Variants in SH3GL2 observed in about 807,000 individuals in gnomAD.
SH3GL2 encodes the protein SH3 domain containing GRB2 like 2, endophilin A1.
SH3GL2 carries 24 observed loss-of-function variants against 46.0 expected under a neutral mutation model. The observed-to-expected ratio is 0.52, with a 90% CI of 0.38 to 0.73. The LOEUF is 0.73. Ranked by LOEUF, SH3GL2 falls within the 30% of genes least tolerant of loss-of-function variation. SH3GL2 has a pLI of 0.00. For missense variants in SH3GL2, 413 were observed against 424.2 expected (o/e 0.97, Z 0.23); for synonymous variants, 196 against 147.1 (o/e 1.33, Z -2.40).
chr9:17,682,590 G>C (rs1820800759), intron 1 of SH3GL2, among the ~76,000 whole-genome samples: 5 of 151,612 alleles, frequency 3.3e-5, no homozygotes, highest in Admixed American at 2.6e-4. Context: ...TTAGAGGATG[G>C]GTCAATAGGT....
chr9:17,747,020 A>T, intron 1 of SH3GL2, 46 bp from the exon 2 acceptor site: 1 of 1,298,102 alleles, frequency 7.7e-7, no homozygotes, highest in Non-Finnish European at 1.1e-6. Flanking sequence ...CACATTTTTT[A>T]AAGAAACTGT....
At chr9:17,721,123 T>C (rs1395720515) in intron 1 of SH3GL2, among the ~76,000 whole-genome samples, 1 of 152,074 alleles carries the variant, frequency 6.6e-6, no homozygotes, top group Non-Finnish European at 1.5e-5. Flanking sequence ...TGTGGCCCTC[T>C]AGATTGGCAG....
At chr9:17,795,370 C>T (rs1461105615) in intron 8 of SH3GL2, among the ~76,000 whole-genome samples, 174 bp from the exon 9 acceptor site, 1 of 152,114 alleles carries the variant, frequency 6.6e-6, no homozygotes, top group Non-Finnish European at 1.5e-5. Flanking sequence ...GGCAAGATGC[C>T]CAGTGCAGTG....
At chr9:17,617,610 A>G (rs946000925) in intron 1 of SH3GL2, among the ~76,000 whole-genome samples, 2 of 152,238 alleles carry the variant, frequency 1.3e-5, no homozygotes, top group African/African-American at 4.8e-5. Flanking sequence ...ATGCCTGTTA[A>G]CATCTTTCGA....
intron 1 of SH3GL2, among the ~76,000 whole-genome samples, chr9:17,709,542 G>A (rs950909897): frequency 3.3e-5 from 5 of 151,852 alleles, no homozygotes; most frequent in Non-Finnish European, 7.4e-5. Flanking sequence ...GCCTAGTAGA[G>A]CATCCTAAAG....
At chr9:17,627,012 G>A (rs978595988) in intron 1 of SH3GL2, among the ~76,000 whole-genome samples, 1 of 152,112 alleles carries the variant, frequency 6.6e-6, no homozygotes, top group African/African-American at 2.4e-5. Flanking sequence ...CCCTGGTCGT[G>A]TGCTGGATGT....
At chr9:17,705,805 T>G (rs1821456643) in intron 1 of SH3GL2, among the ~76,000 whole-genome samples, 1 of 151,582 alleles carries the variant, frequency 6.6e-6, no homozygotes, top group Non-Finnish European at 1.5e-5. Context: ...TACTCGAGGG[T>G]AGAGAGTGGG....
At chr9:17,769,810 G>C (rs1823420617) in intron 3 of SH3GL2, among the ~76,000 whole-genome samples, 1 of 152,086 alleles carries the variant, frequency 6.6e-6, no homozygotes, top group Non-Finnish European at 1.5e-5. Context: ...GTAGAATCTT[G>C]TCTGTCTTAT....
At position 17,781,600 on chromosome 9, in the gene SH3GL2, G is replaced by T. The variant is rs372716733; in HGVS notation, c.188-4781G>T. Among the ~76,000 whole-genome samples, 36 of 152,228 alleles carry T rather than the reference G, an allele frequency of 2.4e-4. 1 individual carries two copies. In the South Asian group the frequency reaches 7.2e-3, roughly 31 times the overall value. ...AGAAGTGGAGTTACTGGGTTGCAGG[G>T]TATGTGTCTATTCAGCTTTAGTAAA... On this transcript the variant is annotated intron_variant, in intron 3 of 8. Transcript: ENST00000380607.
chr9:17,691,259 G>A (rs1160936002), intron 1 of SH3GL2, among the ~76,000 whole-genome samples: 1 of 151,922 alleles, frequency 6.6e-6, no homozygotes, highest in South Asian at 2.1e-4. Context: ...CTTTCTCTTT[G>A]AGACATAAAT....
At chr9:17,644,637 G>T (rs1819762903) in intron 1 of SH3GL2, among the ~76,000 whole-genome samples, 1 of 152,202 alleles carries the variant, frequency 6.6e-6, no homozygotes, top group African/African-American at 2.4e-5. Flanking sequence ...GCGGTTTTGA[G>T]TGAGTTTCTT....
chr9:17,588,540 A>G (rs1818421402), intron 1 of SH3GL2, among the ~76,000 whole-genome samples: 1 of 152,202 alleles, frequency 6.6e-6, no homozygotes, highest in African/African-American at 2.4e-5. Context: ...GGGAGGGGCC[A>G]TGTGAGTAGT....
At chr9:17,608,181 T>C (rs983800749) in intron 1 of SH3GL2, among the ~76,000 whole-genome samples, 4 of 144,612 alleles carry the variant, frequency 2.8e-5, no homozygotes, top group African/African-American at 1.0e-4. Context: ...GGAGTCTTGC[T>C]CTGTTGCCCA....
intron 3 of SH3GL2, among the ~76,000 whole-genome samples, chr9:17,781,763 A>G (rs1211235579): frequency 1.3e-5 from 2 of 152,064 alleles, no homozygotes; most frequent in African/African-American, 2.4e-5. Context: ...CCAGGTACCT[A>G]GAATGGCCTT....
intron 1 of SH3GL2, among the ~76,000 whole-genome samples, chr9:17,709,783 G>A (rs7869947): frequency 1.3e-5 from 2 of 150,824 alleles, no homozygotes; most frequent in East Asian, 2.0e-4. Flanking sequence ...TTAATATTTT[G>A]GACAGCCAAA....
chr9:17,641,087 G>C (rs1048460721), intron 1 of SH3GL2, among the ~76,000 whole-genome samples: 1 of 152,162 alleles, frequency 6.6e-6, no homozygotes, highest in Non-Finnish European at 1.5e-5. Context: ...ATTTTAAAAA[G>C]TTATTAAGCA....
At chr9:17,710,981 T>C (rs1182234681) in intron 1 of SH3GL2, among the ~76,000 whole-genome samples, 1 of 151,978 alleles carries the variant, frequency 6.6e-6, no homozygotes, top group African/African-American at 2.4e-5. Flanking sequence ...TATATGATTG[T>C]GCACATTCAT....
rs150295727 is a variant in SH3GL2 at position 17,741,631 on chromosome 9, A to G, written c.46-5435A>G. On this transcript the variant is annotated intron_variant, in intron 1 of 8. Coordinates refer to ENST00000380607, the MANE Select transcript of SH3GL2 (RefSeq NM_003026.5). ...AGTTAAGGGTCCTTATTTAACTTAC[A>G]TGCAATTTTTGGTTTTAGAATAATT... Among the ~76,000 whole-genome samples, 389 of 152,324 alleles carry G rather than the reference A, an allele frequency of 2.6e-3. 1 individual carries two copies. Among genetic ancestry groups the G allele is most frequent in the African/African-American group, 9.0e-3 (373 of 41,584 alleles).
intron 3 of SH3GL2, among the ~76,000 whole-genome samples, chr9:17,777,015 T>C (rs1823659543): frequency 1.3e-5 from 2 of 152,180 alleles, no homozygotes; most frequent in Non-Finnish European, 2.9e-5. Context: ...AGATGCTCTG[T>C]AAATACCTGT....
Sources: gnomAD v4.1 joint callset for allele counts (sites outside exome capture counted in the v4.1 genomes callset) on GRCh38, gnomAD v4.1.1 for gene constraint, MANE v1.5 for transcripts, NCBI Gene and HGNC (gene_info 2026-07-23, HGNC 2026-07-21) for gene names.